EXOC2: variants seen among roughly 807,000 people sequenced by gnomAD.
EXOC2 encodes exocyst complex component 2.
EXOC2 carries 70 observed loss-of-function variants against 131.8 expected under a neutral mutation model. The ratio of observed to expected loss-of-function variants is 0.53; its 90% CI spans 0.44 to 0.65. EXOC2 has a LOEUF of 0.65. Ranked by LOEUF, EXOC2 falls within the 30% of genes least tolerant of loss-of-function variation. The pLI, the probability that EXOC2 is intolerant of heterozygous loss-of-function variation, is 0.00. For synonymous variants in EXOC2, 411 were observed against 398.4 expected, an observed-to-expected ratio of 1.03 and a Z score of -0.38; for missense variants, 923 against 1,108.6, an observed-to-expected ratio of 0.83 and a Z score of 2.38.
Position 633,013 on chromosome 6 carries a change from T to C in EXOC2, c.223A>G (p.Ile75Val). 6.2e-7 allele frequency: 1 copy of C among 1,614,188 alleles called. No individual in the cohort carries two copies. The highest frequency in any genetic ancestry group is 8.5e-7 in the Non-Finnish European group (1 of 1,180,020). Residue 75 changes from isoleucine to valine, a missense_variant, in exon 3 of 28, where the codon ATT becomes GTT. By Grantham distance (29) the Ile-to-Val change is conservative. Transcript: ENST00000230449. ...CTGCCACCTGACTTAGTGGTGACAA[T>C]AATGTCTCCTTTGTCATTTTTGGCT... ...GQAKNDKGDI[I>V]VTTKSGGRGT... is the part of the protein sequence containing the mutation.
intron 12 of EXOC2, 36 bp downstream of exon 12, chr6:576,721 T>C (rs201315580): frequency 5.0e-6 from 8 of 1,602,422 alleles, no homozygotes; most frequent in Non-Finnish European, 8.5e-7. Context: ...GAGTACAAAT[T>C]TAAAAGACCC....
Position 548,447 on chromosome 6 carries a change from G to C in EXOC2, c.2238+728C>G, listed in dbSNP as rs192568182. On this transcript the variant is annotated intron_variant, in intron 22 of 27. Coordinates refer to ENST00000230449, the MANE Select transcript of EXOC2 (RefSeq NM_018303.6). Reference sequence around the variant, plus strand: ...AGAAATCTGATAAACCTTTGCCCAGGAACCAATCAACCTTAATAACAAGGT... The same window carrying C: ...AGAAATCTGATAAACCTTTGCCCAGCAACCAATCAACCTTAATAACAAGGT... Among the ~76,000 whole-genome samples the C allele has an allele frequency of 1.8e-3, 280 of 152,206 alleles. 2 individuals carry two copies. The highest frequency in any genetic ancestry group is 5.6e-3 in the African/African-American group (231 of 41,534).
intron 23 of EXOC2, among the ~76,000 whole-genome samples, chr6:510,451 T>C (rs1432297151): frequency 6.6e-6 from 1 of 152,204 alleles, no homozygotes; most frequent in Non-Finnish European, 1.5e-5. Context: ...GGAAAACTCT[T>C]TCCTCGAGAA....
At chr6:691,609 G>T (rs1169381622) in intron 1 of EXOC2, among the ~76,000 whole-genome samples, 2 of 152,210 alleles carry the variant, frequency 1.3e-5, no homozygotes, top group Admixed American at 1.3e-4. Flanking sequence ...AACTGTTTAT[G>T]TATCAGTAAG....
At chr6:515,993 G>T (rs1765142266) in intron 23 of EXOC2, among the ~76,000 whole-genome samples, 1 of 152,162 alleles carries the variant, frequency 6.6e-6, no homozygotes, top group African/African-American at 2.4e-5. Context: ...CATAACATTT[G>T]GAAATCATTG....
At chr6:598,332 C>T (rs1187665488) in intron 9 of EXOC2, among the ~76,000 whole-genome samples, 1 of 152,138 alleles carries the variant, frequency 6.6e-6, no homozygotes, top group Non-Finnish European at 1.5e-5. Context: ...GAGGTCTGTA[C>T]ATTTCACTGC....
rs1764527193 is a variant in EXOC2 at position 506,041 on chromosome 6, G to C, written c.2381-6341C>G. Among the ~76,000 whole-genome samples the C allele has an allele frequency of 3.9e-5, 6 of 152,256 alleles. No individual in the cohort carries two copies. The South Asian group carries it at 1.2e-3, about 32-fold the overall frequency. ...AGTGCCTCGGCATACATGGAAAGAA[G>C]GTATTCCTTGGGAAAGCATACAATC... On this transcript the variant is annotated intron_variant, in intron 23 of 27. Coordinates refer to ENST00000230449, the MANE Select transcript of EXOC2 (RefSeq NM_018303.6). The surrounding 1 kb of genome is among the most constrained non-coding windows in gnomAD (Gnocchi z 4.4).
chr6:633,107 A>T lies in EXOC2; in HGVS notation c.129T>A (p.Ile43=). The change falls in exon 3 of 28, where the codon ATT becomes ATA. Residue 43 remains isoleucine (I), a synonymous_variant. Coordinates refer to ENST00000230449, the MANE Select transcript of EXOC2 (RefSeq NM_018303.6). Reference sequence around the variant, plus strand: ...CCGTCAGGAGGCAATTATGTCCACAAATGGTCAAGCCTGAAAATAAACGCA... The same window carrying T: ...CCGTCAGGAGGCAATTATGTCCACATATGGTCAAGCCTGAAAATAAACGCA... ...TGPTDLIGLT[I]CGHNCLLTAE... 6.2e-7 allele frequency: 1 copy of T among 1,613,188 alleles called. No individual in the cohort carries two copies. Among genetic ancestry groups the T allele is most frequent in the Non-Finnish European group, 8.5e-7 (1 of 1,179,988 alleles).
intron 1 of EXOC2, among the ~76,000 whole-genome samples, chr6:661,850 T>C (rs1388600996): frequency 6.6e-6 from 1 of 152,142 alleles, no homozygotes; most frequent in Non-Finnish European, 1.5e-5. Flanking sequence ...ACTTAAAAGA[T>C]ACAGAACCAC....
chr6:631,649 C>G (rs1419930795), intron 3 of EXOC2, among the ~76,000 whole-genome samples: 1 of 151,934 alleles, frequency 6.6e-6, no homozygotes, highest in African/African-American at 2.4e-5. Context: ...CCTAAGTTTT[C>G]TTTATCTGCT....
intron 12 of EXOC2, among the ~76,000 whole-genome samples, chr6:575,579 T>G (rs1758536409): frequency 6.6e-6 from 1 of 152,036 alleles, no homozygotes; most frequent in African/African-American, 2.4e-5. Context: ...CTGCCATGAC[T>G]GGAAGCTTCC....
intron 23 of EXOC2, 81 bp from the exon 24 acceptor site, chr6:499,781 G>T: frequency 1.8e-6 from 2 of 1,116,638 alleles, no homozygotes; most frequent in Non-Finnish European, 2.7e-6. Context: ...TGTACCCCAT[G>T]CTTTAGAGTT....
At chr6:513,694 C>T (rs1001868486) in intron 23 of EXOC2, among the ~76,000 whole-genome samples, 2 of 152,164 alleles carry the variant, frequency 1.3e-5, no homozygotes, top group African/African-American at 4.8e-5. Context: ...AATGGGTTTT[C>T]AGATATATTA....
chr6:570,588 G>C (rs879704082), intron 13 of EXOC2, among the ~76,000 whole-genome samples: 32 of 152,144 alleles, frequency 2.1e-4, no homozygotes, highest in Non-Finnish European at 4.0e-4. Flanking sequence ...TCAAACAGTG[G>C]AAATACTGGA....
intron 23 of EXOC2, among the ~76,000 whole-genome samples, chr6:520,951 C>T (rs1765405004): frequency 6.9e-6 from 1 of 145,972 alleles, no homozygotes; most frequent in Non-Finnish European, 1.5e-5. Flanking sequence ...ACTCACCGTC[C>T]ACACTCGGAG....
rs186956093 is a variant in EXOC2 at position 496,679 on chromosome 6, C to T, written c.2559+688G>A. On this transcript the variant is annotated intron_variant, in intron 25 of 27. Transcript: ENST00000230449. Reference sequence around the variant, plus strand: ...CCTCTAGAATCTGCCCACCAATGGTCGTTCTCTGGTGTCTTCAGGGATTTT... The same window carrying T: ...CCTCTAGAATCTGCCCACCAATGGTTGTTCTCTGGTGTCTTCAGGGATTTT... Among the ~76,000 whole-genome samples, 259 of 152,112 alleles carry T rather than the reference C, an allele frequency of 1.7e-3. 2 individuals are homozygous for T. The highest frequency in any genetic ancestry group is 7.1e-4 in the Non-Finnish European group (48 of 67,996).
In EXOC2 at chr6:612,430, A is replaced by G. The variant is rs576424853; in HGVS notation, c.662-2252T>C. ...TAAATTGATAGAGAGCCCTTCAAAC[A>G]TTTAGTTTCTATTTCTTATTTTACC... On this transcript the variant is annotated intron_variant, in intron 6 of 27. Coordinates refer to ENST00000230449, the MANE Select transcript of EXOC2 (RefSeq NM_018303.6). Among the ~76,000 whole-genome samples the G allele has an allele frequency of 1.9e-3, 295 of 152,362 alleles. 1 individual carries two copies. Among genetic ancestry groups the G allele is most frequent in the South Asian group, 3.1e-3 (15 of 4,832 alleles).
Position 515,107 on chromosome 6 carries a change from T to G in EXOC2, c.2381-15407A>C, listed in dbSNP as rs1765069696. ...TATACAGTATCATGCCAGAAACAAA[T>G]TTATAACATTGTTATGGTATAACAG... is the stretch of plus-strand genomic sequence containing the variant. On this transcript the variant is annotated intron_variant, in intron 23 of 27. Coordinates refer to ENST00000230449, the MANE Select transcript of EXOC2 (RefSeq NM_018303.6). Among the ~76,000 whole-genome samples, 3 of 152,182 alleles carry G rather than the reference T, an allele frequency of 2.0e-5. No homozygotes were observed. The South Asian group carries it at 6.2e-4, about 32-fold the overall frequency.
At chr6:591,362 C>T (rs1759532802) in intron 11 of EXOC2, among the ~76,000 whole-genome samples, 1 of 152,184 alleles carries the variant, frequency 6.6e-6, no homozygotes, top group South Asian at 2.1e-4. Context: ...TCTCTTCACT[C>T]CACCTCCACG....
Sources: allele counts gnomAD v4.1 joint callset (sites outside exome capture counted in the v4.1 genomes callset), GRCh38; gene constraint gnomAD v4.1.1; non-coding constraint Gnocchi (gnomAD v3.1); transcripts MANE v1.5; gene names NCBI Gene and HGNC (gene_info 2026-07-23, HGNC 2026-07-21).